ARHGAP10: variants seen among roughly 807,000 people sequenced by gnomAD.
ARHGAP10 encodes the protein Rho GTPase activating protein 10, also known as rho GTPase-activating protein 10.
ARHGAP10 carries 87 observed loss-of-function variants against 108.6 expected under a neutral mutation model. The ratio of observed to expected loss-of-function variants is 0.80; its 90% confidence interval spans 0.67 to 0.96. ARHGAP10 has a LOEUF of 0.96. ARHGAP10 is among the 40% of genes least tolerant of loss of function. ARHGAP10 has a pLI of 0.00. For missense variants in ARHGAP10, 939 were observed against 954.5 expected (o/e 0.98, Z 0.21); for synonymous variants, 347 against 341.1 (o/e 1.02, Z -0.19).
intron 19 of ARHGAP10, among the ~76,000 whole-genome samples, chr4:148,043,726 ATATATATGTGTATATATATG>A (rs1578820382): frequency 1.5e-5 from 2 of 137,294 alleles, no homozygotes; most frequent in Non-Finnish European, 3.1e-5. Flanking sequence ...CATTTTTCAT[ATATATATGTGTATATATATG>A]TATATATGTA....
chr4:148,022,970 A>G (rs888441799), intron 18 of ARHGAP10: 1 of 210,516 alleles, frequency 4.8e-6, no homozygotes, highest in African/African-American at 2.3e-5. Context: ...GGGCTGTGGT[A>G]CTGTCTATAT....
intron 1 of ARHGAP10, among the ~76,000 whole-genome samples, chr4:147,750,704 C>T (rs577827937): frequency 2.3e-3 from 349 of 151,466 alleles, no homozygotes; most frequent in African/African-American, 6.3e-3. Context: ...TGGGTTCAAG[C>T]GATTCTCCTG....
intron 12 of ARHGAP10, 138 bp from the exon 13 acceptor site, chr4:147,912,936 A>G (rs1021963503): frequency 2.5e-5 from 19 of 775,428 alleles, no homozygotes; most frequent in African/African-American, 1.7e-4. Context: ...GTGTGAGCCA[A>G]TGTGCCTATC....
chr4:148,065,330 G>A (rs1261499424), intron 22 of ARHGAP10: 1 of 152,224 alleles, frequency 6.6e-6, no homozygotes, highest in Admixed American at 6.5e-5. Flanking sequence ...ACGAGGCACA[G>A]TGGTGTACTG....
intron 18 of ARHGAP10, among the ~76,000 whole-genome samples, chr4:148,000,114 C>T (rs1478055142): frequency 6.6e-6 from 1 of 152,010 alleles, no homozygotes; most frequent in Non-Finnish European, 1.5e-5. Flanking sequence ...TGTGATGTTC[C>T]CCTTCCTGTG....
intron 7 of ARHGAP10, among the ~76,000 whole-genome samples, chr4:147,872,853 G>A (rs894929693): frequency 2.6e-5 from 4 of 152,230 alleles, no homozygotes; most frequent in African/African-American, 7.2e-5. Flanking sequence ...GAAAATCCAT[G>A]TATAAGTAGA....
intron 4 of ARHGAP10, among the ~76,000 whole-genome samples, chr4:147,848,075 G>A (rs999644114): frequency 2.1e-5 from 3 of 140,140 alleles, no homozygotes; most frequent in Non-Finnish European, 4.6e-5. Context: ...TTCCCCCCAC[G>A]TGGCTGGGGA....
At chr4:147,759,665 G>A (rs751157533) in intron 1 of ARHGAP10, among the ~76,000 whole-genome samples, 2 of 151,344 alleles carry the variant, frequency 1.3e-5, no homozygotes, top group Non-Finnish European at 2.9e-5. Context: ...TTATTTCAAC[G>A]TGTAACCAGC....
intron 1 of ARHGAP10, among the ~76,000 whole-genome samples, chr4:147,769,497 T>C (rs2126716639): frequency 6.6e-6 from 1 of 152,362 alleles, no homozygotes; most frequent in South Asian, 2.1e-4. Context: ...GCATTGCTTC[T>C]CTTTATGTAA....
intron 3 of ARHGAP10, among the ~76,000 whole-genome samples, chr4:147,838,988 G>T (rs569945263): frequency 6.6e-6 from 1 of 152,248 alleles, no homozygotes; most frequent in South Asian, 2.1e-4. Context: ...TAATGGGAAA[G>T]TCCACTCCTT....
intron 1 of ARHGAP10, among the ~76,000 whole-genome samples, chr4:147,804,070 GGTTTGGTGTACAGATTATTTT>G (rs1560767624): frequency 6.6e-6 from 1 of 151,620 alleles, no homozygotes; most frequent in Non-Finnish European, 1.5e-5. Context: ...GTGTCACGGG[GGTTTGGTGTACAGATTATTTT>G]GTCATCCAGG....
chr4:147,893,758 A>G (rs1369829795), intron 10 of ARHGAP10, among the ~76,000 whole-genome samples: 1 of 152,026 alleles, frequency 6.6e-6, no homozygotes, highest in Non-Finnish European at 1.5e-5. Context: ...GGGAACTACC[A>G]AGATACCAGT....
At chr4:147,869,777 CTTTG>C (rs1005863189) in intron 7 of ARHGAP10, among the ~76,000 whole-genome samples, 1 of 151,896 alleles carries the variant, frequency 6.6e-6, no homozygotes, top group African/African-American at 2.4e-5. Context: ...TAGGTGGCGT[CTTTG>C]TTCTTCAAAA....
intron 7 of ARHGAP10, among the ~76,000 whole-genome samples, chr4:147,874,750 G>C: frequency 6.6e-6 from 1 of 152,260 alleles, no homozygotes; most frequent in Non-Finnish European, 1.5e-5. Context: ...ATGTTGAATA[G>C]TAAAATTATT....
intron 1 of ARHGAP10, among the ~76,000 whole-genome samples, chr4:147,784,854 TA>T (rs1730806417): frequency 9.6e-6 from 1 of 104,482 alleles, no homozygotes; most frequent in African/African-American, 3.7e-5. Flanking sequence ...ATATATATTA[TA>T]AATATATTAT....
At chr4:148,020,211 A>G (rs1578797397) in intron 18 of ARHGAP10, among the ~76,000 whole-genome samples, 4 of 152,272 alleles carry the variant, frequency 2.6e-5, no homozygotes, top group Admixed American at 2.6e-4. Flanking sequence ...GACATATTTT[A>G]TACCTCAGGG....
intron 18 of ARHGAP10, among the ~76,000 whole-genome samples, chr4:147,992,238 G>T (rs760558668): frequency 8.6e-5 from 13 of 151,888 alleles, no homozygotes; most frequent in Non-Finnish European, 1.5e-4. Flanking sequence ...CTGTCGTTCG[G>T]TCCCCACATT....
chr4:148,011,260 T>G (rs1741161374), intron 18 of ARHGAP10, among the ~76,000 whole-genome samples: 1 of 152,234 alleles, frequency 6.6e-6, no homozygotes, highest in African/African-American at 2.4e-5. Context: ...CTTGTTATTT[T>G]CATGATTATA....
intron 1 of ARHGAP10, among the ~76,000 whole-genome samples, 157 bp downstream of exon 1, chr4:147,732,612 G>A (rs773854220): frequency 3.9e-5 from 6 of 152,056 alleles, no homozygotes; most frequent in East Asian, 1.9e-4. Flanking sequence ...ACCCCGGGGG[G>A]TCCCTGGAAT....
Sources: gnomAD v4.1 joint callset for allele counts (sites outside exome capture counted in the v4.1 genomes callset) on GRCh38, gnomAD v4.1.1 for gene constraint, MANE v1.5 for transcripts, NCBI Gene and HGNC (gene_info 2026-07-23, HGNC 2026-07-21) for gene names.